NTN5: variants seen among roughly 807,000 people sequenced by gnomAD.
NTN5 encodes the protein netrin 5.
In NTN5, 42 loss-of-function variants were observed where a neutral mutation model predicts 38.7. The observed-to-expected ratio is 1.08, with a 90% CI of 0.85 to 1.40. The LOEUF (loss-of-function observed/expected upper bound fraction) is 1.40. Among genes scored for constraint, NTN5 ranks in the 40% most tolerant of loss-of-function variants. NTN5 has a pLI of 0.00. For synonymous variants in NTN5, 329 were observed against 303.9 expected (o/e 1.08, Z -0.86); for missense variants, 658 against 716.5 (o/e 0.92, Z 0.93).
Position 48,670,658 on chromosome 19 carries a change from G to A in NTN5, c.329C>T (p.Ala110Val), listed in dbSNP as rs2031936912. 1.2e-6 allele frequency: 2 copies of A among 1,606,048 alleles called. No individual in the cohort carries two copies. The highest frequency in any genetic ancestry group is 1.3e-5 in the African/African-American group (1 of 74,812). ...AGGGCCCCCTAAGGCCCCAGGCCAG[G>A]CGGGCCTGTGCCACAGCAGCCTCCA... ...GPWRLLWHRP[A>V]WPGALGGPER... The change falls in exon 2 of 7, where the codon GCC becomes GTC. Residue 110 changes from alanine to valine, a missense_variant. By Grantham distance (64) the Ala-to-Val change is moderately conservative. Coordinates refer to ENST00000270235, the MANE Select transcript of NTN5 (RefSeq NM_145807.4).
chr19:48,670,349 G>A lies in NTN5; in HGVS notation c.631+7C>T. 7.1e-7 allele frequency: 1 copy of A among 1,406,840 alleles called. No individual in the cohort carries two copies. Among genetic ancestry groups the A allele is most frequent in the South Asian group, 1.6e-5 (1 of 62,282 alleles). 87.1% of individuals were successfully genotyped at this position (1,406,840 alleles called of 1,614,324 possible). On this transcript the variant is annotated splice_region_variant and intron_variant, in intron 2 of 6. Transcript: ENST00000270235. ...AAGGCAGGGAGAGTGAGGGGCGCAG[G>A]ACTCACGTAGGCAAGGGTGGGGGTG...
At chr19:48,667,971 C>T (rs2031748480) in intron 2 of NTN5, among the ~76,000 whole-genome samples, 1 of 152,070 alleles carries the variant, frequency 6.6e-6, no homozygotes, top group African/African-American at 2.4e-5. Context: ...GGTAGAGTTA[C>T]CTCCCAGGAC....
At chr19:48,671,122 G>A (rs1339626555) in intron 1 of NTN5, 116 bp from the exon 2 acceptor site, 3 of 680,184 alleles carry the variant, frequency 4.4e-6, no homozygotes, top group Non-Finnish European at 6.9e-6. Context: ...CCCCTCCCCG[G>A]CTGCATGGAA....
At chr19:48,666,893 C>T (rs934730431) in intron 2 of NTN5, among the ~76,000 whole-genome samples, 9 of 151,648 alleles carry the variant, frequency 5.9e-5, no homozygotes, top group African/African-American at 2.2e-4. Flanking sequence ...TTATGTCTCC[C>T]AGGCTCATGG....
At chr19:48,668,890 C>A (rs1188983439) in intron 2 of NTN5, among the ~76,000 whole-genome samples, 1 of 151,876 alleles carries the variant, frequency 6.6e-6, no homozygotes, top group East Asian at 1.9e-4. Context: ...GTACCTGCAT[C>A]CAGCCAGGCC....
intron 4 of NTN5, 106 bp downstream of exon 4, chr19:48,664,037 C>T: frequency 7.2e-7 from 1 of 1,382,948 alleles, no homozygotes; most frequent in Non-Finnish European, 9.7e-7. Context: ...CAGCCTTGGG[C>T]TCCCAATTCC....
chr19:48,663,395 G>C, intron 6 of NTN5, 68 bp downstream of exon 6: 1 of 1,334,574 alleles, frequency 7.5e-7, no homozygotes, highest in Non-Finnish European at 1.1e-6. Flanking sequence ...GCCAGAAAGG[G>C]GGTGGCTTAG....
chr19:48,662,153 G>A lies in NTN5; in HGVS notation c.1106-112C>T. The stretch of plus-strand genomic sequence containing the variant: ...GCCCGAGACCGGTGGGTGGGCTTCT[G>A]GTATCGCAGTGGGGAGAGAAACCTT... On this transcript the variant is annotated intron_variant, in intron 6 of 6. Coordinates refer to ENST00000270235, the MANE Select transcript of NTN5 (RefSeq NM_145807.4). 4.3e-6 allele frequency: 5 copies of A among 1,153,446 alleles called. No individual in the cohort carries two copies. The South Asian group carries it at 9.9e-5, about 23-fold the overall frequency. The allele number at this position is 1,153,446 out of a possible 1,614,324, so 71.5% of individuals were successfully genotyped here. A position where few individuals can be genotyped will look rare whatever the true frequency, so the allele number is the denominator to read the frequency against.
chr19:48,665,820 GA>G (rs1164774303), intron 2 of NTN5, among the ~76,000 whole-genome samples: 23 of 139,266 alleles, frequency 1.7e-4, no homozygotes, highest in Admixed American at 4.3e-4. Flanking sequence ...CTCCATCTCA[GA>G]AAAAAAAAAA....
At chr19:48,667,932 G>T (rs1006863669) in intron 2 of NTN5, among the ~76,000 whole-genome samples, 1 of 152,112 alleles carries the variant, frequency 6.6e-6, no homozygotes, top group Admixed American at 6.5e-5. Context: ...GGGTACACTT[G>T]CACACGTGTG....
In NTN5 at chr19:48,661,573, C is replaced by T. The variant is rs2031539370; in HGVS notation, c.*104G>A. ...CAAGCATAGTGTCGTCGGGGCTCTG[C>T]GACGTCTGATTGGCTCTCTGCAGTG... On this transcript the variant is annotated 3_prime_UTR_variant, in exon 7 of 7. Transcript: ENST00000270235. 1 of 1,281,520 alleles carries T rather than the reference C, an allele frequency of 7.8e-7. No homozygotes were observed. The highest frequency in any genetic ancestry group is 3.3e-5 in the East Asian group (1 of 30,430). The allele number at this position is 1,281,520 out of a possible 1,614,324, so 79.4% of individuals were successfully genotyped here.
intron 2 of NTN5, among the ~76,000 whole-genome samples, chr19:48,669,640 C>T (rs1250731917): frequency 2.5e-5 from 3 of 121,720 alleles, no homozygotes; most frequent in South Asian, 3.0e-4. Flanking sequence ...CCAGTCATCA[C>T]CATCACCACC....
intron 2 of NTN5, among the ~76,000 whole-genome samples, chr19:48,668,843 C>T (rs1229649820): frequency 6.6e-6 from 1 of 152,096 alleles, no homozygotes; most frequent in African/African-American, 2.4e-5. Flanking sequence ...ATCCAGCTGT[C>T]CTGTTCCCCT....
In NTN5 at chr19:48,661,896, G is replaced by A; in HGVS notation, c.1251C>T (p.Thr417=). Residue 417 remains threonine (T), a synonymous_variant, in exon 7 of 7, where the codon ACC becomes ACT. Coordinates refer to ENST00000270235, the MANE Select transcript of NTN5 (RefSeq NM_145807.4). ...QDAWVPRADL[T]CGCLRLQPGT... The stretch of plus-strand genomic sequence containing the variant: ...CTGGCTGCAGGCGCAGGCAGCCGCA[G>A]GTCAGGTCGGCGCGGGGCACCCAGG... 1 of 1,355,102 alleles carries A rather than the reference G, an allele frequency of 7.4e-7. No homozygotes were observed. The highest frequency in any genetic ancestry group is 9.5e-7 in the Non-Finnish European group (1 of 1,056,346). The allele number at this position is 1,355,102 out of a possible 1,614,324, so 83.9% of individuals were successfully genotyped here.
intron 2 of NTN5, among the ~76,000 whole-genome samples, chr19:48,666,081 TATTTC>T (rs749765753): frequency 6.6e-5 from 10 of 152,216 alleles, no homozygotes; most frequent in Non-Finnish European, 2.9e-5. Flanking sequence ...GTGTTTGATG[TATTTC>T]ATCTCCACAA....
intron 1 of NTN5, among the ~76,000 whole-genome samples, chr19:48,672,630 C>G (rs754101753): frequency 1.4e-5 from 2 of 139,132 alleles, no homozygotes; most frequent in Non-Finnish European, 3.0e-5. Context: ...AAGGGCCAGT[C>G]CCCCATGTCC....
intron 2 of NTN5, among the ~76,000 whole-genome samples, chr19:48,667,699 A>T (rs2031740738): frequency 6.6e-6 from 1 of 152,074 alleles, no homozygotes; most frequent in Admixed American, 6.6e-5. Context: ...TCTACTAGAA[A>T]TACAAAATTA....
intron 6 of NTN5, 148 bp from the exon 7 acceptor site, chr19:48,662,189 G>A (rs2031569140): frequency 1.1e-6 from 1 of 874,980 alleles, no homozygotes; most frequent in Non-Finnish European, 1.6e-6. Context: ...GAACCTTGGA[G>A]AGTTTGACCC....
At chr19:48,665,820 G>GAA (rs1164774303) in intron 2 of NTN5, among the ~76,000 whole-genome samples, 2 of 139,280 alleles carry the variant, frequency 1.4e-5, no homozygotes, top group Non-Finnish European at 3.1e-5. Flanking sequence ...CTCCATCTCA[G>GAA]AAAAAAAAAA....
Sources: gnomAD v4.1 joint callset for allele counts (sites outside exome capture counted in the v4.1 genomes callset) on GRCh38, gnomAD v4.1.1 for gene constraint, MANE v1.5 for transcripts, NCBI Gene and HGNC (gene_info 2026-07-23, HGNC 2026-07-21) for gene names.